The following SLC39A11 variants were observed in gnomAD, a reference collection of about 807,000 sequenced individuals.
The protein encoded by SLC39A11 is zinc transporter ZIP11.
Under a neutral mutation model 36.1 loss-of-function variants are expected in SLC39A11, and 33 were observed. That is an observed-to-expected ratio of 0.91 (90% CI 0.69 to 1.22). The LOEUF (loss-of-function observed/expected upper bound fraction) is 1.22. Ranked by LOEUF, SLC39A11 falls within the 50% of genes most tolerant of loss-of-function variation. The pLI is 0.00. For missense variants in SLC39A11, 432 were observed against 430.3 expected, an observed-to-expected ratio of 1.00 and a Z score of -0.03; for synonymous variants, 166 against 170.3, an observed-to-expected ratio of 0.97 and a Z score of 0.20.
At chr17:72,786,950 G>A (rs1025094930) in intron 6 of SLC39A11, among the ~76,000 whole-genome samples, 1 of 150,850 alleles carries the variant, frequency 6.6e-6, no homozygotes, top group Non-Finnish European at 1.5e-5. Flanking sequence ...CTCCCAGGTA[G>A]CTGGGATTAC....
intron 5 of SLC39A11, among the ~76,000 whole-genome samples, chr17:72,929,855 CTG>C (rs1285754298): frequency 1.3e-5 from 2 of 152,172 alleles, no homozygotes; most frequent in African/African-American, 4.8e-5. Context: ...GGGCACATCG[CTG>C]TGTTAAATGT....
At chr17:73,026,886 A>G (rs2058574912) in intron 4 of SLC39A11, among the ~76,000 whole-genome samples, 1 of 151,968 alleles carries the variant, frequency 6.6e-6, no homozygotes, top group South Asian at 2.1e-4. Context: ...GGGAGGCCAA[A>G]GTAGGAGGAT....
intron 6 of SLC39A11, among the ~76,000 whole-genome samples, chr17:72,806,042 C>T (rs933096560): frequency 2.0e-5 from 3 of 152,006 alleles, no homozygotes; most frequent in African/African-American, 4.8e-5. Flanking sequence ...TGTGAGCCAC[C>T]GCACCTGGTG....
chr17:72,833,390 G>A (rs78583831), intron 6 of SLC39A11, among the ~76,000 whole-genome samples: 2,095 of 152,320 alleles, frequency 0.014, 44 homozygotes, highest in African/African-American at 0.048. Context: ...AGCAGCAAAT[G>A]AAGTGCTGTG....
rs775837098 is a variant in SLC39A11 at position 72,755,416 on chromosome 17, C to T, written c.602-18697G>A. 2.6e-5 allele frequency among the ~76,000 whole-genome samples: 4 copies of T among 152,174 alleles called. No individual in the cohort carries two copies. The East Asian group carries it at 7.7e-4, about 29-fold the overall frequency. ...GAGTGAGCAACAGTGTCTTTAAAACCCACATACAAAAGCAGGAAATGCCAA... is the reference window on the plus strand; with the variant it reads ...GAGTGAGCAACAGTGTCTTTAAAACTCACATACAAAAGCAGGAAATGCCAA... On this transcript the variant is annotated intron_variant, in intron 6 of 9. Coordinates refer to ENST00000255559, the MANE Select transcript of SLC39A11 (RefSeq NM_139177.4).
At chr17:72,806,061 T>A (rs943015710) in intron 6 of SLC39A11, among the ~76,000 whole-genome samples, 4 of 152,106 alleles carry the variant, frequency 2.6e-5, no homozygotes, top group Non-Finnish European at 4.4e-5. Context: ...TGGCTTACAG[T>A]TAATTTGCAA....
chr17:72,784,497 T>C (rs1003574985), intron 6 of SLC39A11, among the ~76,000 whole-genome samples: 1 of 152,124 alleles, frequency 6.6e-6, no homozygotes, highest in African/African-American at 2.4e-5. Context: ...CAAACTGCTT[T>C]GGAAAACTTT....
chr17:72,841,833 G>A (rs540435642), intron 6 of SLC39A11, among the ~76,000 whole-genome samples: 44 of 152,160 alleles, frequency 2.9e-4, no homozygotes, highest in Middle Eastern at 3.4e-3. Context: ...AGGCTAAGGC[G>A]GGAGAATCTA....
chr17:72,878,379 T>C (rs957257363), intron 5 of SLC39A11, among the ~76,000 whole-genome samples: 1 of 152,196 alleles, frequency 6.6e-6, no homozygotes, highest in African/African-American at 2.4e-5. Context: ...ATTGTCTTCA[T>C]GTATTTTAGG....
chr17:73,011,854 G>A (rs1260718611), intron 4 of SLC39A11, among the ~76,000 whole-genome samples: 1 of 150,906 alleles, frequency 6.6e-6, no homozygotes, highest in Non-Finnish European at 1.5e-5. Context: ...TAGAGATGGG[G>A]TTTCACCATG....
intron 1 of SLC39A11, among the ~76,000 whole-genome samples, chr17:73,091,009 G>A (rs958449716): frequency 6.6e-6 from 1 of 152,152 alleles, no homozygotes; most frequent in Non-Finnish European, 1.5e-5. Flanking sequence ...GGTCCGGCTT[G>A]GGAGCTAGTT....
chr17:72,980,965 G>A (rs1484898853), intron 4 of SLC39A11, among the ~76,000 whole-genome samples: 2 of 151,102 alleles, frequency 1.3e-5, no homozygotes, highest in East Asian at 3.9e-4. Flanking sequence ...AGAGGTTATA[G>A]TGAGCTGAGA....
chr17:72,703,318 A>G (rs1291136773), intron 7 of SLC39A11, among the ~76,000 whole-genome samples: 1 of 152,198 alleles, frequency 6.6e-6, no homozygotes, highest in Non-Finnish European at 1.5e-5. Flanking sequence ...TCAAGTTCCA[A>G]CTTGCAGAAA....
rs1036201683 is a variant in SLC39A11 at position 72,746,713 on chromosome 17, G to T, written c.602-9994C>A. Among the ~76,000 whole-genome samples the T allele has an allele frequency of 2.0e-5, 3 of 152,010 alleles. No homozygotes were observed. In the South Asian group the frequency reaches 6.2e-4, roughly 32 times the overall value. ...AGATCACACCACTGCACTCCAGCCT[G>T]GGTGACAGAGCAAGACTCCGTCTCA... On this transcript the variant is annotated intron_variant, in intron 6 of 9. Transcript: ENST00000255559.
chr17:73,074,435 T>C (rs768913879), intron 3 of SLC39A11, among the ~76,000 whole-genome samples: 7 of 151,600 alleles, frequency 4.6e-5, no homozygotes, highest in African/African-American at 1.5e-4. Flanking sequence ...GTAGCTGGGA[T>C]TAAATGCGCC....
intron 4 of SLC39A11, among the ~76,000 whole-genome samples, chr17:72,993,970 T>G (rs963762610): frequency 2.6e-5 from 4 of 152,066 alleles, no homozygotes; most frequent in African/African-American, 9.7e-5. Flanking sequence ...TGGGGGCGGG[T>G]GTTTCCCGTG....
At chr17:72,803,081 A>C (rs2077147646) in intron 6 of SLC39A11, among the ~76,000 whole-genome samples, 1 of 152,256 alleles carries the variant, frequency 6.6e-6, no homozygotes, top group Non-Finnish European at 1.5e-5. Flanking sequence ...TGTAGAATAC[A>C]AAGACGGGAT....
chr17:72,931,022 G>A (rs2084363605), intron 5 of SLC39A11, among the ~76,000 whole-genome samples: 1 of 152,128 alleles, frequency 6.6e-6, no homozygotes, highest in Non-Finnish European at 1.5e-5. Flanking sequence ...GCAGCCCTGG[G>A]TCCAAGAGAG....
intron 3 of SLC39A11, among the ~76,000 whole-genome samples, chr17:73,081,632 TAC>T (rs57284292): frequency 0.2 from 21,944 of 109,922 alleles, 2,793 homozygotes; most frequent in South Asian, 0.31. Flanking sequence ...TATATATACA[TAC>T]ACACACACAC....
Sources: allele counts gnomAD v4.1 joint callset (sites outside exome capture counted in the v4.1 genomes callset), GRCh38; gene constraint gnomAD v4.1.1; transcripts MANE v1.5; gene names NCBI Gene and HGNC (gene_info 2026-07-23, HGNC 2026-07-21).